The following DLL4 variants were observed in gnomAD, a reference collection of about 807,000 sequenced individuals.
DLL4 encodes the protein delta like canonical Notch ligand 4.
In DLL4, 7 loss-of-function variants were observed where a neutral mutation model predicts 73.6. The ratio of observed to expected loss-of-function variants is 0.10; its 90% CI spans 0.05 to 0.18. The LOEUF is 0.18. Ranked by LOEUF, DLL4 falls within the 10% of genes least tolerant of loss-of-function variation. The pLI is 1.00. For missense variants in DLL4, 614 were observed against 929.9 expected, an observed-to-expected ratio of 0.66 and a Z score of 4.42; for synonymous variants, 345 against 374.3, an observed-to-expected ratio of 0.92 and a Z score of 0.90.
chr15:40,933,337 C>T (rs925508356), intron 6 of DLL4, among the ~76,000 whole-genome samples: 1 of 152,024 alleles, frequency 6.6e-6, no homozygotes, highest in Non-Finnish European at 1.5e-5. Flanking sequence ...AACACTCACA[C>T]ACCTGGTTCC....
rs1892883404 is a variant in DLL4, at chr15:40,939,014, T to C, written c.*980T>C. On this transcript the variant is annotated 3_prime_UTR_variant, in exon 11 of 11. Coordinates refer to ENST00000249749, the MANE Select transcript of DLL4 (RefSeq NM_019074.4). ...AATCAGAAGCACTGACCTTTCTACATTTTATAACATTATTTTGTATATAAT... is the reference window on the plus strand; with the variant it reads ...AATCAGAAGCACTGACCTTTCTACACTTTATAACATTATTTTGTATATAAT... The C allele has an allele frequency of 6.6e-6, 1 of 152,122 alleles. No individual in the cohort carries two copies. The highest frequency in any genetic ancestry group is 1.5e-5 in the Non-Finnish European group (1 of 67,928). 9.4% of individuals were successfully genotyped at this position (152,122 alleles called of 1,614,324 possible).
intron 8 of DLL4, among the ~76,000 whole-genome samples, 194 bp from the exon 9 acceptor site, chr15:40,936,034 C>T (rs901932671): frequency 1.3e-5 from 2 of 152,230 alleles, no homozygotes; most frequent in South Asian, 4.1e-4. Context: ...CATTTTTATA[C>T]ATGAGCCCAC....
chr15:40,931,874 C>G, intron 4 of DLL4, 108 bp downstream of exon 4: 1 of 1,411,038 alleles, frequency 7.1e-7, no homozygotes, highest in South Asian at 1.4e-5. Context: ...TCTGGGCCTC[C>G]TACTAGCTGG....
At chr15:40,932,088 G>A (rs2140369429) in intron 4 of DLL4, 83 bp from the exon 5 acceptor site, 10 of 1,505,266 alleles carry the variant, frequency 6.6e-6, no homozygotes, top group East Asian at 2.3e-5. Context: ...GAGAGCTAGG[G>A]GATCCCCAGG....
chr15:40,930,069 G>C lies in DLL4; in HGVS notation c.289G>C (p.Gly97Arg). ...NSFAVRDDSS[G>R]GGRNPLQLPF... ...CTTCGCTGTCCGGGACGACAGTAGC[G>C]GCGGGGGGCGCAACCCTCTCCAACT... Residue 97 changes from glycine (G) to arginine (R), a missense_variant, in exon 2 of 11, where the codon GGC becomes CGC. Physicochemically the swap from Gly to Arg is moderately radical, Grantham distance 125 (BLOSUM62 -2). This residue lies in a region of DLL4 where 227 missense variants were observed against 370.8 expected (regional missense o/e 0.61). Transcript: ENST00000249749. The surrounding 1 kb of genome is among the most constrained non-coding windows in gnomAD (Gnocchi z 5.7). 6.2e-7 allele frequency: 1 copy of C among 1,607,072 alleles called. No homozygotes were observed. Among genetic ancestry groups the C allele is most frequent in the East Asian group, 2.2e-5 (1 of 44,570 alleles).
At position 40,933,770 on chromosome 15, in the gene DLL4, A is replaced by G. The variant is rs556248269; in HGVS notation, c.851-778A>G. Among the ~76,000 whole-genome samples the G allele has an allele frequency of 5.9e-5, 9 of 151,974 alleles. No homozygotes were observed. In the South Asian group the frequency reaches 1.9e-3, roughly 32 times the overall value. On this transcript the variant is annotated intron_variant, in intron 6 of 10. Transcript: ENST00000249749. ...CTTCCAGTTCCAGTTGTGTTGTTTC[A>G]CTTTTGGTTGACTGCACTGGTCATA...
At chr15:40,931,202 C>T (rs1293889289) in intron 3 of DLL4, 6 of 473,422 alleles carry the variant, frequency 1.3e-5, no homozygotes, top group African/African-American at 9.7e-5. Context: ...TCCATTTTGA[C>T]CTCTTTTCCT....
intron 4 of DLL4, 105 bp from the exon 5 acceptor site, chr15:40,932,066 A>G (rs1419527869): frequency 1.5e-6 from 2 of 1,357,796 alleles, no homozygotes; most frequent in Non-Finnish European, 2.1e-6. Flanking sequence ...CAGGAGTAGG[A>G]AGAGGGCCCA....
Position 40,936,557 on chromosome 15 carries a change from C to T in DLL4, c.1570C>T (p.Pro524Ser), listed in dbSNP as rs1461968652. The change falls in exon 9 of 11, where the codon CCG (proline) becomes TCG (serine). Residue 524 changes from proline to serine, a missense_variant. Around this residue, in one of 3 missense-constraint regions of DLL4, gnomAD observed 386 missense variants for 541.3 expected, o/e 0.71. Coordinates refer to ENST00000249749, the MANE Select transcript of DLL4 (RefSeq NM_019074.4). ...CCGCTGCGAGTTCCCCGTGGGCTTG[C>T]CGCCCAGCTTCCCCTGGGTGGCCGT... Reference protein sequence around the residue: ...GSRCEFPVGLPPSFPWVAVSL... With the variant: ...GSRCEFPVGLSPSFPWVAVSL... 1 of 1,609,240 alleles carries T rather than the reference C, an allele frequency of 6.2e-7. No homozygotes were observed. Among genetic ancestry groups the T allele is most frequent in the Non-Finnish European group, 8.5e-7 (1 of 1,178,470 alleles).
Position 40,935,366 on chromosome 15 carries a change from C to G in DLL4, c.1240+249C>G, listed in dbSNP as rs1277485275. Among the ~76,000 whole-genome samples, 6 of 152,202 alleles carry G rather than the reference C, an allele frequency of 3.9e-5. 1 individual carries two copies. Among genetic ancestry groups the G allele is most frequent in the Non-Finnish European group, 5.9e-5 (4 of 68,034 alleles). On this transcript the variant is annotated intron_variant, in intron 8 of 10. Coordinates refer to ENST00000249749, the MANE Select transcript of DLL4 (RefSeq NM_019074.4). ...TCCATTCCTATTCCCATGTCAGAACCCCGTCCTGGCTGGGGTGGCCTCTGA... is the reference window on the plus strand; with the variant it reads ...TCCATTCCTATTCCCATGTCAGAACGCCGTCCTGGCTGGGGTGGCCTCTGA...
chr15:40,931,312 G>C, intron 3 of DLL4, 191 bp from the exon 4 acceptor site: 1 of 640,000 alleles, frequency 1.6e-6, no homozygotes, highest in Non-Finnish European at 2.7e-6. Context: ...ATGCACACAC[G>C]TAGGGCAGCT....
At chr15:40,931,444 G>A (rs975509377) in intron 3 of DLL4, 59 bp from the exon 4 acceptor site, 26 of 1,548,000 alleles carry the variant, frequency 1.7e-5, no homozygotes, top group African/African-American at 1.5e-4. Context: ...TTGGCCAGCC[G>A]TCACTGGCAC....
chr15:40,929,999 C>G lies in DLL4; in HGVS notation c.219C>G (p.Pro73=). The stretch of plus-strand genomic sequence containing the variant: ...TCCAGGCGGTCGTCTCGCCCGGACC[C>G]TGCACCTTCGGGACCGTCTCCACGC... ...KHFQAVVSPG[P]CTFGTVSTPV... is the part of the protein sequence containing the mutation. Residue 73 remains proline (P), a synonymous_variant, in exon 2 of 11, where the codon CCC becomes CCG. Transcript: ENST00000249749. The surrounding 1 kb of genome is among the most constrained non-coding windows in gnomAD (Gnocchi z 7.1). The G allele has an allele frequency of 6.2e-7, 1 of 1,613,076 alleles. No homozygotes were observed. The highest frequency in any genetic ancestry group is 1.1e-5 in the South Asian group (1 of 91,040).
At position 40,938,134 on chromosome 15, in the gene DLL4, C is replaced by A; in HGVS notation, c.*100C>A. On this transcript the variant is annotated 3_prime_UTR_variant, in exon 11 of 11. Transcript: ENST00000249749. ...TGGATGGGACGTTTTTCATATGCAA[C>A]GTGCTGCTCTCAGGAGGAGGAGGGA... 10 of 1,312,382 alleles carry A rather than the reference C, an allele frequency of 7.6e-6. No homozygotes were observed. The highest frequency in any genetic ancestry group is 9.1e-6 in the Non-Finnish European group (9 of 988,104). 81.3% of individuals were successfully genotyped at this position (1,312,382 alleles called of 1,614,324 possible). A position where few individuals can be genotyped will look rare whatever the true frequency, so the allele number is the denominator to read the frequency against.
In DLL4 at chr15:40,934,566, A is replaced by G; in HGVS notation, c.869A>G (p.His290Arg). 1 of 1,613,780 alleles carries G rather than the reference A, an allele frequency of 6.2e-7. No individual in the cohort carries two copies. Among genetic ancestry groups the G allele is most frequent in the Non-Finnish European group, 8.5e-7 (1 of 1,179,824 alleles). Residue 290 changes from histidine to arginine, a missense_variant, in exon 7 of 11, where the codon CAC becomes CGC. By Grantham distance (29) the His-to-Arg change is conservative. Transcript: ENST00000249749. ...TCTGCAGATCTCAACTACTGCACCC[A>G]CCACTCCCCATGCAAGAATGGGGCA... ...FCDQDLNYCTHHSPCKNGATC... is the reference protein window; with the variant it reads ...FCDQDLNYCTRHSPCKNGATC...
intron 6 of DLL4, among the ~76,000 whole-genome samples, chr15:40,933,403 T>G (rs532221575): frequency 6.6e-6 from 1 of 152,182 alleles, no homozygotes; most frequent in East Asian, 1.9e-4. Flanking sequence ...AGTCATATAC[T>G]CATCATATGC....
rs145874351 is a variant in DLL4, at chr15:40,934,256, G to A, written c.851-292G>A. Among the ~76,000 whole-genome samples, 174 of 151,062 alleles carry A rather than the reference G, an allele frequency of 1.2e-3. 1 individual carries two copies. The highest frequency in any genetic ancestry group is 3.4e-3 in the Middle Eastern group (1 of 294). On this transcript the variant is annotated intron_variant, in intron 6 of 10. Transcript: ENST00000249749. The stretch of plus-strand genomic sequence containing the variant: ...TATGAGAATCGCTTGAACCCGGAAG[G>A]CGAAGGTTGTAGTGAGCCTATATCA...
chr15:40,929,747 G>A lies in DLL4; in HGVS notation c.66+13G>A, dbSNP rs1211281300. 1.3e-6 allele frequency: 2 copies of A among 1,599,214 alleles called. No homozygotes were observed. Among genetic ancestry groups the A allele is most frequent in the Non-Finnish European group, 1.7e-6 (2 of 1,176,546 alleles). Reference sequence around the variant, plus strand: ...ACTTTGGCAGCAGGTAACACGTCCCGCGCCCTCTCCGTCCCCTCTGCCGCG... The same window carrying A: ...ACTTTGGCAGCAGGTAACACGTCCCACGCCCTCTCCGTCCCCTCTGCCGCG... On this transcript the variant is annotated intron_variant, in intron 1 of 10. Transcript: ENST00000249749. The surrounding 1 kb of genome is among the most constrained non-coding windows in gnomAD (Gnocchi z 7.1).
chr15:40,937,368 C>G (rs201878551), intron 9 of DLL4, 50 bp from the exon 10 acceptor site: 10 of 1,356,642 alleles, frequency 7.4e-6, no homozygotes, highest in African/African-American at 2.9e-5. Flanking sequence ...CTCCCTCCCC[C>G]CAAGCCTCTC....
Sources: gnomAD v4.1 joint callset for allele counts (sites outside exome capture counted in the v4.1 genomes callset) on GRCh38, gnomAD v4.1.1 for gene constraint, gnomAD v4.1.1 regional missense constraint, Gnocchi (gnomAD v3.1) non-coding constraint, MANE v1.5 for transcripts, NCBI Gene and HGNC (gene_info 2026-07-23, HGNC 2026-07-21) for gene names.